Variants in RNASE9 observed in about 807,000 individuals in gnomAD.
RNASE9 encodes inactive ribonuclease-like protein 9.
For missense variants in RNASE9, 263 were observed against 247.1 expected (o/e 1.06, Z -0.43); for synonymous variants, 95 against 87.6 (o/e 1.08, Z -0.47).
rs76822219 is a variant in RNASE9 at position 20,556,948 on chromosome 14, T to G, written c.122A>C (p.Lys41Thr). 1,942 of 1,614,188 alleles carry G rather than the reference T, an allele frequency of 1.2e-3. 25 individuals carry two copies. The African/African-American group carries it at 0.023, about 19-fold the overall frequency. ...TTCCAAACACTCTTCAAATTCTTCT[T>G]TTTTATCTTCTTCTGGGAAATCAAA... Residue 41 changes from lysine (K) to threonine (T), a missense_variant, in exon 3 of 3, where the codon AAA becomes ACA. Physicochemically the swap from Lys to Thr is moderately conservative, Grantham distance 78 (BLOSUM62 -1). Coordinates refer to ENST00000555230, the Ensembl canonical transcript of RNASE9.
At chr14:20,559,954 G>A (rs958981169) in intron 1 of RNASE9, among the ~76,000 whole-genome samples, 4 of 152,080 alleles carry the variant, frequency 2.6e-5, no homozygotes, top group African/African-American at 9.7e-5. Context: ...TGCAGACTGA[G>A]AAAGGCCTTG....
chr14:20,558,441 G>T (rs1883803117), exon 3 of RNASE9: 1 of 787,660 alleles, frequency 1.3e-6, no homozygotes, highest in Non-Finnish European at 2.2e-6. Context: ...AAAAGAAAAA[G>T]TTGCCTAAAA....
At chr14:20,558,376 A>C in exon 3 of RNASE9, 1 of 676,118 alleles carries the variant, frequency 1.5e-6, no homozygotes, top group Non-Finnish European at 2.7e-6. Flanking sequence ...GTTGGGGAAC[A>C]CATCAGAAAG....
chr14:20,556,598 G>A, exon 3 of RNASE9: 2 of 1,613,836 alleles, frequency 1.2e-6, no homozygotes, highest in Non-Finnish European at 1.7e-6. Context: ...TTCCTATAAA[G>A]TGATTCGTAT....
Position 20,558,425 on chromosome 14 carries a change from G to A in RNASE9, c.-1356C>T, listed in dbSNP as rs114164772. 1,048 of 739,610 alleles carry A rather than the reference G, an allele frequency of 1.4e-3. 4 individuals carry two copies. In the African/African-American group the frequency reaches 0.016, roughly 12 times the overall value. 45.8% of individuals were successfully genotyped at this position (739,610 alleles called of 1,614,324 possible). On this transcript the variant is annotated 5_prime_UTR_variant, in exon 3 of 3. Coordinates refer to ENST00000555230, the Ensembl canonical transcript of RNASE9. ...GTTGAGCATAGGAGTGCAGAGAATG[G>A]GAAAGAAAAGAAAAAGTTGCCTAAA...
chr14:20,558,332 G>A lies in RNASE9; in HGVS notation c.-1263C>T, dbSNP rs758352702. 54 of 632,950 alleles carry A rather than the reference G, an allele frequency of 8.5e-5. 1 individual carries two copies. The highest frequency in any genetic ancestry group is 2.2e-4 in the South Asian group (12 of 54,424). The allele number at this position is 632,950 out of a possible 1,614,324, so 39.2% of individuals were successfully genotyped here. On this transcript the variant is annotated 5_prime_UTR_variant, in exon 3 of 3. Transcript: ENST00000555230. Reference sequence around the variant, plus strand: ...AAGTTTGTATATATGTGTGTAGAAAGGTTAGAGAATGATGGAATTAAAGAA... The same window carrying A: ...AAGTTTGTATATATGTGTGTAGAAAAGTTAGAGAATGATGGAATTAAAGAA...
At chr14:20,558,807 C>G in intron 2 of RNASE9, 1 of 569,078 alleles carries the variant, frequency 1.8e-6, no homozygotes, top group Non-Finnish European at 3.2e-6. Flanking sequence ...ATGAATTCAA[C>G]TTTTGGTTTC....
At chr14:20,556,250 T>C in exon 3 of RNASE9, 1 of 527,048 alleles carries the variant, frequency 1.9e-6, no homozygotes, top group Non-Finnish European at 3.4e-6. Context: ...CATGCTAACT[T>C]AGGGGACCTG....
At chr14:20,557,045 G>C (rs1196077181) in exon 3 of RNASE9, 2 of 1,611,136 alleles carry the variant, frequency 1.2e-6, no homozygotes, top group Non-Finnish European at 8.5e-7. Context: ...GGCAGTGGGT[G>C]TGTGGTGATG....
At chr14:20,556,757 G>C in exon 3 of RNASE9, 1 of 1,613,882 alleles carries the variant, frequency 6.2e-7, no homozygotes, top group Non-Finnish European at 8.5e-7. Context: ...TGCATAAGAA[G>C]GAAGTAATGT....
At chr14:20,557,137 C>G in exon 3 of RNASE9, 1 of 1,510,116 alleles carries the variant, frequency 6.6e-7, no homozygotes, top group Non-Finnish European at 8.9e-7. Context: ...GCTTCCATTT[C>G]CTGTGTGGGG....
At chr14:20,556,864 A>G in exon 3 of RNASE9, 1 of 1,614,172 alleles carries the variant, frequency 6.2e-7, no homozygotes, top group Non-Finnish European at 8.5e-7. Context: ...TTCAATAAGG[A>G]CACGTCTTTT....
chr14:20,557,065 A>G lies in RNASE9; in HGVS notation c.5T>C (p.Met2Thr), dbSNP rs750027726. 7 of 1,601,966 alleles carry G rather than the reference A, an allele frequency of 4.4e-6. No homozygotes were observed. The East Asian group carries it at 1.6e-4, about 36-fold the overall frequency. ...TGGGTGTGTGGTGATGAGAGTTCTC[A>G]TCATTTTTCCTGCAGACACTAAAAG... is the stretch of plus-strand genomic sequence containing the variant. The change falls in exon 3 of 3, where the codon ATG (methionine) becomes ACG (threonine). Residue 2 changes from methionine to threonine, a missense_variant. Coordinates refer to ENST00000555230, the Ensembl canonical transcript of RNASE9.
At chr14:20,556,531 T>C (rs1421709127) in exon 3 of RNASE9, 3 of 1,613,882 alleles carry the variant, frequency 1.9e-6, no homozygotes, top group Admixed American at 1.7e-5. Flanking sequence ...ATTTATAGTA[T>C]GAGGAATACG....
chr14:20,557,043 G>A (rs1292613347), exon 3 of RNASE9: 3 of 1,612,104 alleles, frequency 1.9e-6, no homozygotes, highest in East Asian at 4.5e-5. Flanking sequence ...GGGGCAGTGG[G>A]TGTGTGGTGA....
chr14:20,557,306 A>C (rs1391295405), exon 3 of RNASE9: 7 of 451,734 alleles, frequency 1.5e-5, no homozygotes, highest in African/African-American at 2.0e-5. Context: ...GAAAAGGTGA[A>C]AGGAAGGAGA....
exon 3 of RNASE9, chr14:20,556,831 A>G: frequency 1.2e-6 from 2 of 1,614,150 alleles, no homozygotes; most frequent in Admixed American, 1.7e-5. Context: ...ACAGTACTCT[A>G]TATGATTTAG....
At chr14:20,559,590 T>C (rs1400263149) in exon 2 of RNASE9, 1 of 152,226 alleles carries the variant, frequency 6.6e-6, no homozygotes, top group East Asian at 1.9e-4. Flanking sequence ...ACCTGTGGAA[T>C]GCAGGCTTCT....
At chr14:20,556,207 C>A in exon 3 of RNASE9, 1 of 437,304 alleles carries the variant, frequency 2.3e-6, no homozygotes. Flanking sequence ...CATCCTTCCA[C>A]TGCAGGCATC....
Sources: gnomAD v4.1 joint callset for allele counts (sites outside exome capture counted in the v4.1 genomes callset) on GRCh38, gnomAD v4.1.1 for gene constraint, MANE v1.5 for transcripts, NCBI Gene and HGNC (gene_info 2026-07-23, HGNC 2026-07-21) for gene names.